LOC122539214: variants seen among roughly 807,000 people sequenced by gnomAD.
At chr19:52,668,155 C>A in the LOC122539214 span, among the ~76,000 whole-genome samples, 1 of 152,142 alleles carries the variant, frequency 6.6e-6, no homozygotes, top group Non-Finnish European at 1.5e-5. Context: ...TCCAGTACAT[C>A]AGCATCGGCC....
the LOC122539214 span, chr19:52,654,349 C>T: frequency 7.4e-7 from 1 of 1,346,672 alleles, no homozygotes; most frequent in Non-Finnish European, 1.0e-6. Context: ...GATCACTTCT[C>T]CTGTATTACC....
At chr19:52,690,233 G>A in the LOC122539214 span, among the ~76,000 whole-genome samples, 2 of 151,458 alleles carry the variant, frequency 1.3e-5, no homozygotes, top group Non-Finnish European at 2.9e-5. Context: ...TGTATACATT[G>A]CCCTAGAGCA....
chr19:52,666,618 CAAAAAAA>C, the LOC122539214 span, among the ~76,000 whole-genome samples: 14 of 105,790 alleles, frequency 1.3e-4, no homozygotes, highest in South Asian at 1.0e-3. Flanking sequence ...TATCCTAAGT[CAAAAAAA>C]AAAAAAAAAA....
At chr19:52,655,571 C>T in the LOC122539214 span, 1 of 1,501,522 alleles carries the variant, frequency 6.7e-7, no homozygotes, top group Non-Finnish European at 9.3e-7. Context: ...CCACAGACTC[C>T]AGGTTCCTGT....
the LOC122539214 span, among the ~76,000 whole-genome samples, chr19:52,659,963 C>T: frequency 3.9e-5 from 6 of 152,070 alleles, no homozygotes; most frequent in African/African-American, 4.8e-5. Flanking sequence ...GAGGCTGAGG[C>T]GGGCAGATCA....
chr19:52,686,875 GATGTCCATTTTAGAAAGTACT>G, the LOC122539214 span, among the ~76,000 whole-genome samples: 3 of 151,910 alleles, frequency 2.0e-5, no homozygotes, highest in African/African-American at 7.2e-5. Context: ...ACCTGGCTTT[GATGTCCATTTTAGAAAGTACT>G]ATGGGCTGGG....
At chr19:52,678,859 C>G in the LOC122539214 span, among the ~76,000 whole-genome samples, 1 of 151,736 alleles carries the variant, frequency 6.6e-6, no homozygotes, top group African/African-American at 2.4e-5. Flanking sequence ...CCTGTAATCC[C>G]AGCTACTCAG....
chr19:52,655,651 A>C, the LOC122539214 span: 15 of 1,347,956 alleles, frequency 1.1e-5, no homozygotes, highest in Non-Finnish European at 1.6e-5. Context: ...TCCTCCAAAG[A>C]GAATTCTATA....
At chr19:52,680,040 G>T in the LOC122539214 span, among the ~76,000 whole-genome samples, 219 of 152,160 alleles carry the variant, frequency 1.4e-3, no homozygotes, top group African/African-American at 5.2e-3. Flanking sequence ...TTAGCCAGGC[G>T]TAGTGGCACA....
At chr19:52,658,434 T>C in the LOC122539214 span, among the ~76,000 whole-genome samples, 11 of 152,248 alleles carry the variant, frequency 7.2e-5, no homozygotes, top group Middle Eastern at 3.4e-3. Flanking sequence ...GGTGTGGTGG[T>C]GCGCACCTGT....
chr19:52,687,899 G>A, the LOC122539214 span, among the ~76,000 whole-genome samples: 2 of 151,234 alleles, frequency 1.3e-5, no homozygotes, highest in African/African-American at 4.9e-5. Flanking sequence ...ACTGCCCCAC[G>A]TCCTACCCCA....
At chr19:52,668,121 A>G in the LOC122539214 span, among the ~76,000 whole-genome samples, 2 of 152,188 alleles carry the variant, frequency 1.3e-5, no homozygotes, top group African/African-American at 4.8e-5. Context: ...AGAGTCTCTC[A>G]GCACAGGCGC....
At chr19:52,682,740 C>A in the LOC122539214 span, among the ~76,000 whole-genome samples, 1 of 152,100 alleles carries the variant, frequency 6.6e-6, no homozygotes, top group Non-Finnish European at 1.5e-5. Flanking sequence ...TGTGGTGACA[C>A]ATGCCTATCC....
At chr19:52,656,945 T>G in the LOC122539214 span, among the ~76,000 whole-genome samples, 8 of 151,716 alleles carry the variant, frequency 5.3e-5, no homozygotes, top group South Asian at 1.7e-3. Context: ...CTACACACAC[T>G]TCAATTAACT....
At chr19:52,656,009 G>A in the LOC122539214 span, among the ~76,000 whole-genome samples, 8 of 152,072 alleles carry the variant, frequency 5.3e-5, no homozygotes, top group South Asian at 4.2e-4. Context: ...TCAGGAGTTC[G>A]AGACCACCCA....
the LOC122539214 span, among the ~76,000 whole-genome samples, chr19:52,671,555 C>T: frequency 1.3e-5 from 2 of 152,054 alleles, no homozygotes; most frequent in African/African-American, 4.8e-5. Flanking sequence ...GCAATCCTCC[C>T]GCCACACCTC....
chr19:52,688,968 A>G, the LOC122539214 span, among the ~76,000 whole-genome samples: 1 of 144,160 alleles, frequency 6.9e-6, no homozygotes, highest in Non-Finnish European at 1.5e-5. Flanking sequence ...AAAAAAAAAA[A>G]AAAAGAGAGA....
At chr19:52,690,094 A>G in the LOC122539214 span, among the ~76,000 whole-genome samples, 8,752 of 151,280 alleles carry the variant, frequency 0.058, 788 homozygotes, top group African/African-American at 0.2. Flanking sequence ...GACAAGGGCA[A>G]GGCTGGGAGG....
At chr19:52,674,560 A>C in the LOC122539214 span, among the ~76,000 whole-genome samples, 3 of 152,358 alleles carry the variant, frequency 2.0e-5, no homozygotes, top group Admixed American at 2.0e-4. Flanking sequence ...TGGAACTAAT[A>C]AACATTCAGT....
Sources: allele counts gnomAD v4.1 joint callset (sites outside exome capture counted in the v4.1 genomes callset), GRCh38; gene constraint gnomAD v4.1.1; transcripts MANE v1.5.